ANO1: variants seen among roughly 807,000 people sequenced by gnomAD.
The protein encoded by ANO1 is anoctamin-1.
Under a neutral mutation model 124.0 loss-of-function variants are expected in ANO1, and 59 were observed. The observed-to-expected ratio is 0.48, with a 90% CI of 0.39 to 0.59. ANO1 has a LOEUF of 0.59. Ranked by LOEUF, ANO1 falls within the 20% of genes least tolerant of loss-of-function variation. The pLI, the probability that ANO1 is intolerant of heterozygous loss-of-function variation, is 0.00. For missense variants in ANO1, 1,059 were observed against 1,328.0 expected, an observed-to-expected ratio of 0.80 and a Z score of 3.15; for synonymous variants, 529 against 532.0, an observed-to-expected ratio of 0.99 and a Z score of 0.08.
chr11:70,078,497 G>A lies in ANO1; in HGVS notation c.-110G>A. ...GGCGGGCCTGGGCGCGGGGAGGCCC[G>A]GCCCCCTGCGAGCGCGCCGCGAACG... On this transcript the variant is annotated 5_prime_UTR_variant, in exon 1 of 26. Transcript: ENST00000355303. 1 of 424,854 alleles carries A rather than the reference G, an allele frequency of 2.4e-6. No homozygotes were observed. The allele number at this position is 424,854 out of a possible 1,614,324, so 26.3% of individuals were successfully genotyped here.
chr11:70,125,853 CA>C (rs1391713619), intron 9 of ANO1, among the ~76,000 whole-genome samples: 48 of 73,814 alleles, frequency 6.5e-4, no homozygotes, highest in African/African-American at 2.2e-3. Flanking sequence ...CAAAAAAAAA[CA>C]AAAAAAGAGA....
At chr11:70,110,184 CTTTT>C (rs923690897) in intron 6 of ANO1, among the ~76,000 whole-genome samples, 8 of 118,088 alleles carry the variant, frequency 6.8e-5, no homozygotes, top group African/African-American at 2.2e-4. Flanking sequence ...TGTTCACTTT[CTTTT>C]TTTTTTTTTT....
chr11:70,046,559 C>G (rs1555005671), intron 1 of ANO1, among the ~76,000 whole-genome samples: 1 of 152,130 alleles, frequency 6.6e-6, no homozygotes, highest in Admixed American at 6.5e-5. Context: ...ATTCATGAGA[C>G]TACCCGGCCA....
At chr11:70,136,196 C>T (rs991654884) in intron 11 of ANO1, among the ~76,000 whole-genome samples, 3 of 152,222 alleles carry the variant, frequency 2.0e-5, no homozygotes, top group African/African-American at 4.8e-5. Flanking sequence ...AAGACTAGAG[C>T]GTCCAGGGCT....
chr11:70,172,442 G>A (rs138313337), intron 22 of ANO1, among the ~76,000 whole-genome samples: 5 of 152,240 alleles, frequency 3.3e-5, no homozygotes, highest in East Asian at 1.9e-4. Flanking sequence ...TAGCACCTGC[G>A]TACTAATTAT....
chr11:70,126,306 C>A, intron 10 of ANO1, 111 bp downstream of exon 10: 1 of 1,342,322 alleles, frequency 7.4e-7, no homozygotes, highest in Non-Finnish European at 9.9e-7. Flanking sequence ...TTCCTGTACA[C>A]ATGAAACCTC....
At chr11:70,137,307 ATC>A (rs1329214802) in intron 11 of ANO1, among the ~76,000 whole-genome samples, 1 of 144,660 alleles carries the variant, frequency 6.9e-6, no homozygotes, top group Non-Finnish European at 1.5e-5. Flanking sequence ...CTGAAGCCAC[ATC>A]TCTCTGAGCC....
chr11:70,127,447 C>T (rs1007433995), intron 10 of ANO1, among the ~76,000 whole-genome samples: 4 of 152,194 alleles, frequency 2.6e-5, no homozygotes, highest in African/African-American at 4.8e-5. Context: ...AAGGGTATGT[C>T]AGACGTCAGG....
intron 22 of ANO1, among the ~76,000 whole-genome samples, chr11:70,177,770 T>G (rs984631220): frequency 4.2e-4 from 64 of 152,166 alleles, no homozygotes; most frequent in African/African-American, 1.5e-3. Context: ...CGGCTAATTT[T>G]TGTATTTTTA....
chr11:70,079,506 G>T (rs1211837601), intron 1 of ANO1, among the ~76,000 whole-genome samples: 3 of 152,050 alleles, frequency 2.0e-5, no homozygotes, highest in African/African-American at 7.2e-5. Flanking sequence ...TTTAGAGAGG[G>T]GGGCAGAATT....
rs192392124 is a variant in ANO1 at position 70,092,045 on chromosome 11, C to T, written c.441+3961C>T. Reference sequence around the variant, plus strand: ...CACAATCAAGGTGCCAGCAGGGCCGCGCTCCCTCTAAGACTCCAGGGGAGG... The same window carrying T: ...CACAATCAAGGTGCCAGCAGGGCCGTGCTCCCTCTAAGACTCCAGGGGAGG... On this transcript the variant is annotated intron_variant, in intron 2 of 25. Coordinates refer to ENST00000355303, the MANE Select transcript of ANO1 (RefSeq NM_018043.7). Among the ~76,000 whole-genome samples, 236 of 152,278 alleles carry T rather than the reference C, an allele frequency of 1.5e-3. 3 individuals are homozygous for T. The highest frequency in any genetic ancestry group is 4.4e-3 in the African/African-American group (182 of 41,554).
At chr11:70,022,663 C>G (rs937099058) in intron 1 of ANO1, among the ~76,000 whole-genome samples, 1 of 151,826 alleles carries the variant, frequency 6.6e-6, no homozygotes, top group Non-Finnish European at 1.5e-5. Flanking sequence ...GCCAGCCTCA[C>G]CTAGCTTGCT....
chr11:70,125,700 C>A (rs1460075817), intron 9 of ANO1, among the ~76,000 whole-genome samples: 2 of 140,644 alleles, frequency 1.4e-5, no homozygotes, highest in East Asian at 2.2e-4. Flanking sequence ...AAAAATTAGC[C>A]GGGCGTGGTG....
intron 12 of ANO1, among the ~76,000 whole-genome samples, chr11:70,152,199 G>C (rs1325646303): frequency 1.3e-5 from 2 of 152,084 alleles, no homozygotes; most frequent in African/African-American, 2.4e-5. Flanking sequence ...AGCCGGGCGT[G>C]GTGGCGGGCG....
At position 70,160,226 on chromosome 11, in the gene ANO1, A is replaced by T. The variant is rs2047991170; in HGVS notation, c.1579-935A>T. ...ACACGGGGACACAGGGTGACAAGACAGCCTGTGTCCTGCGGGTGGTTTCAC... is the reference window on the plus strand; with the variant it reads ...ACACGGGGACACAGGGTGACAAGACTGCCTGTGTCCTGCGGGTGGTTTCAC... On this transcript the variant is annotated intron_variant, in intron 16 of 25. Coordinates refer to ENST00000355303, the MANE Select transcript of ANO1 (RefSeq NM_018043.7). 2.0e-5 allele frequency among the ~76,000 whole-genome samples: 3 copies of T among 152,098 alleles called. No individual in the cohort carries two copies. The South Asian group carries it at 6.2e-4, about 31-fold the overall frequency.
intron 2 of ANO1, 75 bp from the exon 3 acceptor site, chr11:70,102,991 C>A: frequency 2.0e-6 from 2 of 1,021,160 alleles, no homozygotes; most frequent in Admixed American, 2.3e-5. Flanking sequence ...ATTGTGGTGG[C>A]CTCTGAAGAT....
At chr11:70,111,137 G>A (rs1351759093) in intron 6 of ANO1, 1 of 456,714 alleles carries the variant, frequency 2.2e-6, no homozygotes, top group Non-Finnish European at 4.4e-6. Context: ...GCAAGGCGAG[G>A]GAAGAAAGAA....
upstream of ANO1, among the ~76,000 whole-genome samples, chr11:69,981,447 T>C (rs1302426212): frequency 6.6e-6 from 1 of 152,256 alleles, no homozygotes; most frequent in Non-Finnish European, 1.5e-5. Context: ...GCTCTCTAAG[T>C]GTTTGTTAAA....
intron 1 of ANO1, among the ~76,000 whole-genome samples, chr11:70,018,734 G>A (rs1555002290): frequency 6.6e-6 from 1 of 152,250 alleles, no homozygotes; most frequent in African/African-American, 2.4e-5. Flanking sequence ...ATACTCCAAG[G>A]CAACGGAAAG....
Sources: allele counts gnomAD v4.1 joint callset (sites outside exome capture counted in the v4.1 genomes callset), GRCh38; gene constraint gnomAD v4.1.1; transcripts MANE v1.5; gene names NCBI Gene and HGNC (gene_info 2026-07-23, HGNC 2026-07-21).